The following ITGB4 variants were observed in gnomAD, a reference collection of about 807,000 sequenced individuals.
The protein encoded by ITGB4 is integrin subunit beta 4.
Under a neutral mutation model 207.6 loss-of-function variants are expected in ITGB4, and 159 were observed. That is an observed-to-expected ratio of 0.77 (90% CI 0.67 to 0.87). ITGB4 has a LOEUF of 0.87. Among genes scored for constraint, ITGB4 ranks in the 40% least tolerant of loss-of-function variants. ITGB4 has a pLI of 0.00. For missense variants in ITGB4, 2,278 were observed against 2,546.8 expected (o/e 0.89, Z 2.27); for synonymous variants, 1,020 against 1,062.7 (o/e 0.96, Z 0.78).
At position 75,754,686 on chromosome 17, in the gene ITGB4, G is replaced by A. The variant is rs1208377507; in HGVS notation, c.4429G>A (p.Val1477Met). 6.2e-6 allele frequency: 10 copies of A among 1,614,058 alleles called. No homozygotes were observed. The highest frequency in any genetic ancestry group is 1.6e-4 in the Middle Eastern group (1 of 6,062). The change falls in exon 34 of 40, where the codon GTG (valine) becomes ATG (methionine). Residue 1477 changes from valine (V) to methionine (M), a missense_variant. Val to Met is a conservative substitution (Grantham distance 21). Transcript: ENST00000200181. ...AAYGTHLSPH[V>M]PHRVLSTSST... ...CTATGGCACCCACCTGAGCCCACACGTGCCCCACCGCGTGCTAAGCACATC... is the reference window on the plus strand; with the variant it reads ...CTATGGCACCCACCTGAGCCCACACATGCCCCACCGCGTGCTAAGCACATC...
At position 75,727,512 on chromosome 17, in the gene ITGB4, G is replaced by C. The variant is rs945470804; in HGVS notation, c.264+7G>C. On this transcript the variant is annotated splice_region_variant and intron_variant, in intron 4 of 39. Coordinates refer to ENST00000200181, the MANE Select transcript of ITGB4 (RefSeq NM_000213.5). The surrounding 1 kb of genome is among the most constrained non-coding windows in gnomAD (Gnocchi z 6.0). Reference sequence around the variant, plus strand: ...CAGCTTCCAAATCACAGAGGTGCCTGGTGTGGGGACTGGGGTGGGGGCTCC... The same window carrying C: ...CAGCTTCCAAATCACAGAGGTGCCTCGTGTGGGGACTGGGGTGGGGGCTCC... 1 of 1,613,236 alleles carries C rather than the reference G, an allele frequency of 6.2e-7. No homozygotes were observed. Among genetic ancestry groups the C allele is most frequent in the South Asian group, 1.1e-5 (1 of 90,996 alleles).
chr17:75,741,567 A>C (rs898583918), intron 23 of ITGB4, among the ~76,000 whole-genome samples: 1 of 152,118 alleles, frequency 6.6e-6, no homozygotes, highest in African/African-American at 2.4e-5. Flanking sequence ...GCACTTTGGG[A>C]GGCTGAGGCG....
rs761219698 is a variant in ITGB4, at chr17:75,750,317, C to A, written c.3474+49C>A. The A allele has an allele frequency of 6.4e-7, 1 of 1,562,348 alleles. No homozygotes were observed. Among genetic ancestry groups the A allele is most frequent in the South Asian group, 1.2e-5 (1 of 83,908 alleles). ...CGACAGGTGGATGGGCGGTCTGGCA[C>A]CAGCACTCACAGAAGAGGTGGGCCG... On this transcript the variant is annotated intron_variant, in intron 28 of 39. Transcript: ENST00000200181. The surrounding 1 kb of genome is among the most constrained non-coding windows in gnomAD (Gnocchi z 5.5).
chr17:75,739,631 C>A lies in ITGB4; in HGVS notation c.2221-41C>A. On this transcript the variant is annotated intron_variant, in intron 18 of 39. Coordinates refer to ENST00000200181, the MANE Select transcript of ITGB4 (RefSeq NM_000213.5). This position sits in a 1 kb window ranked among gnomAD's most constrained non-coding sequence, Gnocchi z 5.4. ...CTGGAAGGGCTTACCTGGGCCAGGGCAGCTGTCTCAGGCCTCACCCTCACC... is the reference window on the plus strand; with the variant it reads ...CTGGAAGGGCTTACCTGGGCCAGGGAAGCTGTCTCAGGCCTCACCCTCACC... 1 of 1,613,164 alleles carries A rather than the reference C, an allele frequency of 6.2e-7. No individual in the cohort carries two copies. The highest frequency in any genetic ancestry group is 8.5e-7 in the Non-Finnish European group (1 of 1,179,328).
chr17:75,730,524 C>A lies in ITGB4; in HGVS notation c.1002+20C>A, dbSNP rs755726992. On this transcript the variant is annotated intron_variant, in intron 8 of 39. Coordinates refer to ENST00000200181, the MANE Select transcript of ITGB4 (RefSeq NM_000213.5). ...TACGAGGTGCGGGGCCCAGGTCCCA[C>A]GGGTGGGAGGTGGTCAAGGTAGGGG... The A allele has an allele frequency of 1.9e-6, 3 of 1,613,134 alleles. No individual in the cohort carries two copies. The highest frequency in any genetic ancestry group is 2.2e-5 in the East Asian group (1 of 44,870).
At position 75,740,895 on chromosome 17, in the gene ITGB4, C is replaced by T. The variant is rs922502465; in HGVS notation, c.2609+44C>T. 2 of 1,612,598 alleles carry T rather than the reference C, an allele frequency of 1.2e-6. No individual in the cohort carries two copies. The highest frequency in any genetic ancestry group is 1.7e-6 in the Non-Finnish European group (2 of 1,179,088). On this transcript the variant is annotated intron_variant, in intron 22 of 39. Coordinates refer to ENST00000200181, the MANE Select transcript of ITGB4 (RefSeq NM_000213.5). This position sits in a 1 kb window ranked among gnomAD's most constrained non-coding sequence, Gnocchi z 5.9. ...GGGTTGGGTGGGGGAGCCGCTCCTA[C>T]CGGGACTCCAGGAGCCGAAGCCCCC...
At position 75,755,168 on chromosome 17, in the gene ITGB4, T is replaced by G. The variant is rs779005578; in HGVS notation, c.4558+353T>G. The G allele has an allele frequency of 7.5e-6, 12 of 1,608,640 alleles. No individual in the cohort carries two copies. In the East Asian group the frequency reaches 2.7e-4, roughly 36 times the overall value. ...CCCCCCTTCCAGGGGCCCACGAGAC[T>G]CTATAATCCTGGCTGGGAGGCCAGC... On this transcript the variant is annotated intron_variant, in intron 34 of 39. Transcript: ENST00000200181.
rs935635806 is a variant in ITGB4 at position 75,729,194 on chromosome 17, C to T, written c.567-71C>T. 95 of 1,395,032 alleles carry T rather than the reference C, an allele frequency of 6.8e-5. No homozygotes were observed. Among genetic ancestry groups the T allele is most frequent in the Middle Eastern group, 1.8e-4 (1 of 5,440 alleles). The allele number at this position is 1,395,032 out of a possible 1,614,324, so 86.4% of individuals were successfully genotyped here. On this transcript the variant is annotated intron_variant, in intron 6 of 39. Coordinates refer to ENST00000200181, the MANE Select transcript of ITGB4 (RefSeq NM_000213.5). This position sits in a 1 kb window ranked among gnomAD's most constrained non-coding sequence, Gnocchi z 4.4. Reference sequence around the variant, plus strand: ...AAAAAAATTCTCCTTCTAGTTGAAACGAGCCAGGGGCACTGGGGTCTGCGG... The same window carrying T: ...AAAAAAATTCTCCTTCTAGTTGAAATGAGCCAGGGGCACTGGGGTCTGCGG...
rs1342314794 is a variant in ITGB4 at position 75,732,354 on chromosome 17, C to T, written c.1454+115C>T. 1.9e-5 allele frequency: 20 copies of T among 1,041,622 alleles called. No homozygotes were observed. Among genetic ancestry groups the T allele is most frequent in the Non-Finnish European group, 2.7e-5 (18 of 678,828 alleles). 64.5% of individuals were successfully genotyped at this position (1,041,622 alleles called of 1,614,324 possible). A position where few individuals can be genotyped will look rare whatever the true frequency, so the allele number is the denominator to read the frequency against. On this transcript the variant is annotated intron_variant, in intron 12 of 39. Transcript: ENST00000200181. This position sits in a 1 kb window ranked among gnomAD's most constrained non-coding sequence, Gnocchi z 5.3. The stretch of plus-strand genomic sequence containing the variant: ...CTTGTACACCTGGCTGGGGGTGGGG[C>T]GGCAATCAAAGAAACGGCTAAGGGC...
intron 26 of ITGB4, among the ~76,000 whole-genome samples, chr17:75,746,957 A>G (rs939852871): frequency 8.1e-5 from 12 of 147,580 alleles, no homozygotes; most frequent in African/African-American, 3.0e-4. Flanking sequence ...AAAAGCTTTG[A>G]TATTTGTTTT....
chr17:75,730,028 G>A (rs1014174408), intron 7 of ITGB4, among the ~76,000 whole-genome samples: 2 of 152,236 alleles, frequency 1.3e-5, no homozygotes, highest in African/African-American at 2.4e-5. Flanking sequence ...TGGCCCCAGC[G>A]CCTTGCGGGG....
intron 18 of ITGB4, 65 bp downstream of exon 18, chr17:75,737,709 C>T (rs963115877): frequency 1.0e-5 from 14 of 1,361,988 alleles, no homozygotes; most frequent in Middle Eastern, 2.4e-4. Flanking sequence ...AGGGCCCCCA[C>T]CCTCCACCAG....
Position 75,750,330 on chromosome 17 carries a change from A to G in ITGB4, c.3474+62A>G, listed in dbSNP as rs1248096403. On this transcript the variant is annotated intron_variant, in intron 28 of 39. Coordinates refer to ENST00000200181, the MANE Select transcript of ITGB4 (RefSeq NM_000213.5). The surrounding 1 kb of genome is among the most constrained non-coding windows in gnomAD (Gnocchi z 5.5). ...GGCGGTCTGGCACCAGCACTCACAGAAGAGGTGGGCCGTCCAAGGCCAGGG... is the reference window on the plus strand; with the variant it reads ...GGCGGTCTGGCACCAGCACTCACAGGAGAGGTGGGCCGTCCAAGGCCAGGG... The G allele has an allele frequency of 6.5e-7, 1 of 1,543,352 alleles. No individual in the cohort carries two copies. The highest frequency in any genetic ancestry group is 1.9e-5 in the Admixed American group (1 of 53,750).
chr17:75,755,349 A>G, intron 34 of ITGB4: 1 of 936,978 alleles, frequency 1.1e-6, no homozygotes, highest in Non-Finnish European at 1.6e-6. Context: ...CACAGGCGCT[A>G]ACCACCTGCC....
At chr17:75,734,363 T>G (rs1345353861) in intron 13 of ITGB4, among the ~76,000 whole-genome samples, 1 of 152,072 alleles carries the variant, frequency 6.6e-6, no homozygotes, top group East Asian at 1.9e-4. Flanking sequence ...CTCGAACTCC[T>G]GACCTCAGGT....
chr17:75,730,793 C>T lies in ITGB4; in HGVS notation c.1003-82C>T, dbSNP rs1320471628. ...CAGTAGGTTCCAGGCCTCAGTTTCC[C>T]CATCCTCAAAGTGGGAAGAATCCTA... On this transcript the variant is annotated intron_variant, in intron 8 of 39. Coordinates refer to ENST00000200181, the MANE Select transcript of ITGB4 (RefSeq NM_000213.5). 5 of 1,324,024 alleles carry T rather than the reference C, an allele frequency of 3.8e-6. No individual in the cohort carries two copies. The African/African-American group carries it at 4.3e-5, about 11-fold the overall frequency. 82.0% of individuals were successfully genotyped at this position (1,324,024 alleles called of 1,614,324 possible).
chr17:75,748,625 A>G lies in ITGB4; in HGVS notation c.3112-216A>G, dbSNP rs140612599. On this transcript the variant is annotated intron_variant, in intron 26 of 39. Coordinates refer to ENST00000200181, the MANE Select transcript of ITGB4 (RefSeq NM_000213.5). ...GTGGAGGTTGCAGTAAGCCGAGATC[A>G]TGCCACTGCACTCCAGCCTAGGTGA... Among the ~76,000 whole-genome samples the G allele has an allele frequency of 3.0e-3, 454 of 150,394 alleles. 4 individuals are homozygous for G. The highest frequency in any genetic ancestry group is 6.4e-3 in the South Asian group (30 of 4,690).
At position 75,732,762 on chromosome 17, in the gene ITGB4, C is replaced by T. The variant is rs994109668; in HGVS notation, c.1454+523C>T. ...CTGCATGACTGGGAGCTGCCTCGGCCCTCTCAGAGCCTCAGTTTCCTCATC... is the reference window on the plus strand; with the variant it reads ...CTGCATGACTGGGAGCTGCCTCGGCTCTCTCAGAGCCTCAGTTTCCTCATC... On this transcript the variant is annotated intron_variant, in intron 12 of 39. Transcript: ENST00000200181. This position sits in a 1 kb window ranked among gnomAD's most constrained non-coding sequence, Gnocchi z 5.3. 2.6e-5 allele frequency among the ~76,000 whole-genome samples: 4 copies of T among 152,108 alleles called. No individual in the cohort carries two copies. The highest frequency in any genetic ancestry group is 9.7e-5 in the African/African-American group (4 of 41,404).
rs868398415 is a variant in ITGB4 at position 75,730,608 on chromosome 17, C to T, written c.1002+104C>T. On this transcript the variant is annotated intron_variant, in intron 8 of 39. Coordinates refer to ENST00000200181, the MANE Select transcript of ITGB4 (RefSeq NM_000213.5). Reference sequence around the variant, plus strand: ...TCCCTCCCTCCCTCCCTCCCTTCCTCCCTTCCTCCCTCCCTCTTTTCCTCC... The same window carrying T: ...TCCCTCCCTCCCTCCCTCCCTTCCTTCCTTCCTCCCTCCCTCTTTTCCTCC... The T allele has an allele frequency of 1.3e-5, 15 of 1,133,356 alleles. No individual in the cohort carries two copies. In the Admixed American group the frequency reaches 2.2e-4, roughly 17 times the overall value. 70.2% of individuals were successfully genotyped at this position (1,133,356 alleles called of 1,614,324 possible). A position where few individuals can be genotyped will look rare whatever the true frequency, so the allele number is the denominator to read the frequency against.
Sources: allele counts gnomAD v4.1 joint callset (sites outside exome capture counted in the v4.1 genomes callset), GRCh38; gene constraint gnomAD v4.1.1; non-coding constraint Gnocchi (gnomAD v3.1); transcripts MANE v1.5; gene names NCBI Gene and HGNC (gene_info 2026-07-23, HGNC 2026-07-21).